Variants in TSHZ2 observed in about 807,000 individuals in gnomAD.
The protein encoded by TSHZ2 is teashirt homolog 2.
In TSHZ2, 21 loss-of-function variants were observed where a neutral mutation model predicts 74.4. That is an observed-to-expected ratio of 0.28 (90% CI 0.20 to 0.41). The LOEUF is 0.41. Ranked by LOEUF, TSHZ2 falls within the 10% of genes least tolerant of loss-of-function variation. The pLI, the probability that TSHZ2 is intolerant of heterozygous loss-of-function variation, is 1.00. For synonymous variants in TSHZ2, 540 were observed against 515.3 expected, an observed-to-expected ratio of 1.05 and a Z score of -0.65; for missense variants, 1,244 against 1,293.5, an observed-to-expected ratio of 0.96 and a Z score of 0.59.
intron 1 of TSHZ2, among the ~76,000 whole-genome samples, chr20:53,230,416 C>A (rs909129867): frequency 3.3e-5 from 5 of 152,148 alleles, no homozygotes; most frequent in Non-Finnish European, 7.3e-5. Flanking sequence ...AACAAAGCAG[C>A]CACCAGGTGG....
chr20:53,012,672 ACACATG>A (rs973519028), intron 1 of TSHZ2, among the ~76,000 whole-genome samples: 1 of 152,122 alleles, frequency 6.6e-6, no homozygotes, highest in African/African-American at 2.4e-5. Context: ...ACACACACAC[ACACATG>A]CACATGCACA....
chr20:53,101,361 A>T (rs1193771513), intron 1 of TSHZ2, among the ~76,000 whole-genome samples: 1 of 152,206 alleles, frequency 6.6e-6, no homozygotes. Context: ...GGGGAGTGAT[A>T]GTTCCTATCA....
At chr20:53,014,036 G>GT (rs1198133520) in intron 1 of TSHZ2, among the ~76,000 whole-genome samples, 1 of 152,198 alleles carries the variant, frequency 6.6e-6, no homozygotes, top group Non-Finnish European at 1.5e-5. Flanking sequence ...TCAGGCTGCT[G>GT]TAACAAAATA....
intron 1 of TSHZ2, among the ~76,000 whole-genome samples, chr20:53,186,901 A>AAT (rs540729094): frequency 0.042 from 6,274 of 149,064 alleles, 280 homozygotes; most frequent in African/African-American, 0.11. Context: ...ACTAGGGTTT[A>AAT]ATATATATAT....
At chr20:53,324,857 C>T (rs988445045) in intron 2 of TSHZ2, among the ~76,000 whole-genome samples, 1 of 152,214 alleles carries the variant, frequency 6.6e-6, no homozygotes, top group Non-Finnish European at 1.5e-5. Context: ...TGTGCCCAGG[C>T]TTCAACCCTG....
intron 1 of TSHZ2, among the ~76,000 whole-genome samples, chr20:52,997,204 A>G (rs527396585): frequency 1.3e-5 from 2 of 152,166 alleles, no homozygotes; most frequent in Non-Finnish European, 2.9e-5. Context: ...AATATCACCA[A>G]AGGAGAACTC....
intron 1 of TSHZ2, among the ~76,000 whole-genome samples, chr20:53,228,745 C>A (rs979002866): frequency 1.3e-5 from 2 of 149,968 alleles, no homozygotes; most frequent in Admixed American, 1.3e-4. Flanking sequence ...CCAAAATTGT[C>A]CTCTGCCCAT....
At chr20:53,012,795 G>T (rs1982902101) in intron 1 of TSHZ2, among the ~76,000 whole-genome samples, 1 of 152,064 alleles carries the variant, frequency 6.6e-6, no homozygotes, top group Admixed American at 6.6e-5. Flanking sequence ...GACTGCCTTG[G>T]CCCTTCCCGG....
intron 2 of TSHZ2, among the ~76,000 whole-genome samples, chr20:53,440,722 C>T (rs1984279690): frequency 6.6e-6 from 1 of 152,162 alleles, no homozygotes; most frequent in South Asian, 2.1e-4. Context: ...GTCCCAACCT[C>T]AATTGATTGA....
In TSHZ2 at chr20:53,256,770, G is replaced by A. The variant is rs776827756; in HGVS notation, c.*8+199G>A. Among the ~76,000 whole-genome samples the A allele has an allele frequency of 2.0e-4, 30 of 152,182 alleles. No homozygotes were observed. Among genetic ancestry groups the A allele is most frequent in the Non-Finnish European group, 3.8e-4 (26 of 68,042 alleles). On this transcript the variant is annotated intron_variant, in intron 2 of 2. Coordinates refer to ENST00000371497, the MANE Select transcript of TSHZ2 (RefSeq NM_173485.6). The surrounding 1 kb of genome is among the most constrained non-coding windows in gnomAD (Gnocchi z 4.3). ...TCTTAAGTCCTCTAGTTTAGAGCTG[G>A]GAACTAGAATAAAACGGGTTTAGAG...
chr20:53,415,160 G>A (rs1352804893), intron 2 of TSHZ2, among the ~76,000 whole-genome samples: 1 of 152,064 alleles, frequency 6.6e-6, no homozygotes, highest in Non-Finnish European at 1.5e-5. Context: ...TCTTTCATTT[G>A]CCTTTAACAT....
intron 1 of TSHZ2, among the ~76,000 whole-genome samples, chr20:53,029,903 A>C (rs1403135459): frequency 6.6e-6 from 1 of 152,138 alleles, no homozygotes; most frequent in African/African-American, 2.4e-5. Flanking sequence ...GCAAATTATC[A>C]TATTAAAAAT....
intron 1 of TSHZ2, among the ~76,000 whole-genome samples, chr20:53,024,371 AC>A (rs1427633881): frequency 1.3e-5 from 2 of 151,152 alleles, no homozygotes; most frequent in Admixed American, 1.3e-4. Context: ...GTGCCTTGGA[AC>A]CAGGCATACG....
intron 2 of TSHZ2, among the ~76,000 whole-genome samples, chr20:53,424,287 T>TC (rs1169571488): frequency 6.6e-6 from 1 of 152,200 alleles, no homozygotes. Flanking sequence ...TGCCAAATGT[T>TC]CCCAGCACTC....
chr20:53,214,066 TCA>T (rs1989378687), intron 1 of TSHZ2, among the ~76,000 whole-genome samples: 1 of 152,142 alleles, frequency 6.6e-6, no homozygotes, highest in Non-Finnish European at 1.5e-5. Flanking sequence ...AACACAAAAC[TCA>T]CACGATAAAG....
chr20:53,050,097 A>G (rs567278505), intron 1 of TSHZ2, among the ~76,000 whole-genome samples: 138 of 81,858 alleles, frequency 1.7e-3, no homozygotes, highest in African/African-American at 5.5e-3. Flanking sequence ...AAAAATGTAT[A>G]TGTGTGTATA....
At chr20:53,239,797 T>C (rs1447629207) in intron 1 of TSHZ2, among the ~76,000 whole-genome samples, 1 of 152,126 alleles carries the variant, frequency 6.6e-6, no homozygotes, top group East Asian at 1.9e-4. Flanking sequence ...GAAGAATATA[T>C]ACACCAAGGA....
At chr20:53,135,110 C>A (rs1171663072) in intron 1 of TSHZ2, among the ~76,000 whole-genome samples, 1 of 151,892 alleles carries the variant, frequency 6.6e-6, no homozygotes, top group Admixed American at 6.6e-5. Flanking sequence ...AGAAAGAAGA[C>A]CTCAAATTTG....
In TSHZ2 at chr20:53,340,184, C is replaced by CTTTTTTTTTTTTTTTT. The variant is rs557613827; in HGVS notation, c.*8+83614_*8+83629dup. Among the ~76,000 whole-genome samples, 205 of 109,684 alleles carry CTTTTTTTTTTTTTTTT rather than the reference C, an allele frequency of 1.9e-3. 2 individuals carry two copies. Among genetic ancestry groups the CTTTTTTTTTTTTTTTT allele is most frequent in the East Asian group, 8.5e-3 (30 of 3,516 alleles). 72.0% of individuals were successfully genotyped at this position (109,684 alleles called of 152,430 possible). A position where few individuals can be genotyped will look rare whatever the true frequency, so the allele number is the denominator to read the frequency against. On this transcript the variant is annotated intron_variant, in intron 2 of 2. Coordinates refer to ENST00000371497, the MANE Select transcript of TSHZ2 (RefSeq NM_173485.6). ...ACAAGGTGACTTTTCTTTCTTTTTT[C>CTTTTTTTTTTTTTTTT]TTTTTTTTTTTTTTTTGAGATGGAG... is the stretch of plus-strand genomic sequence containing the variant.
Sources: gnomAD v4.1 joint callset for allele counts (sites outside exome capture counted in the v4.1 genomes callset) on GRCh38, gnomAD v4.1.1 for gene constraint, Gnocchi (gnomAD v3.1) non-coding constraint, MANE v1.5 for transcripts, NCBI Gene and HGNC (gene_info 2026-07-23, HGNC 2026-07-21) for gene names.